Variants in SMG6 observed in about 807,000 individuals in gnomAD.
SMG6 encodes the protein telomerase-binding protein EST1A.
In SMG6, 66 loss-of-function variants were observed where a neutral mutation model predicts 142.2. That is an observed-to-expected ratio of 0.46 (90% CI 0.38 to 0.57). The LOEUF (loss-of-function observed/expected upper bound fraction) is 0.57, where lower values mean the gene tolerates loss of function less well. SMG6 is among the 20% of genes least tolerant of loss of function. The pLI is 0.00. For missense variants in SMG6, 1,793 were observed against 1,832.0 expected (o/e 0.98, Z 0.39); for synonymous variants, 779 against 702.4 (o/e 1.11, Z -1.72).
intron 10 of SMG6, among the ~76,000 whole-genome samples, chr17:2,227,480 G>T (rs1323841052): frequency 1.3e-5 from 2 of 152,186 alleles, no homozygotes; most frequent in Non-Finnish European, 2.9e-5. Context: ...GACACAAAGA[G>T]TGCACACTCT....
chr17:2,280,551 C>T, intron 8 of SMG6: 3 of 980,490 alleles, frequency 3.1e-6, no homozygotes, highest in African/African-American at 1.7e-5. Flanking sequence ...GCGTAAGCCA[C>T]CGCGTCAGGC....
chr17:2,193,807 T>A (rs2072236589), intron 10 of SMG6, among the ~76,000 whole-genome samples: 1 of 152,210 alleles, frequency 6.6e-6, no homozygotes, highest in Admixed American at 6.5e-5. Flanking sequence ...TCAGCTAGCA[T>A]GTAACAGAGA....
chr17:2,159,134 A>C (rs1236237533), intron 13 of SMG6, among the ~76,000 whole-genome samples: 2 of 152,140 alleles, frequency 1.3e-5, no homozygotes, highest in East Asian at 3.9e-4. Flanking sequence ...GACTATTAAA[A>C]CTATGGCCAG....
chr17:2,263,462 G>C (rs1443568057), intron 8 of SMG6, among the ~76,000 whole-genome samples: 2 of 152,198 alleles, frequency 1.3e-5, no homozygotes, highest in African/African-American at 2.4e-5. Flanking sequence ...ACAGTAGCAG[G>C]AGAGGTGCCT....
chr17:2,241,458 C>T (rs894799944), intron 9 of SMG6, among the ~76,000 whole-genome samples: 4 of 152,228 alleles, frequency 2.6e-5, no homozygotes, highest in Non-Finnish European at 5.9e-5. Flanking sequence ...AGGCACCCTA[C>T]AGCTGTCTCT....
chr17:2,230,221 AG>A (rs1430379163), intron 10 of SMG6, among the ~76,000 whole-genome samples: 6,379 of 33,884 alleles, frequency 0.19, 2,138 homozygotes, highest in East Asian at 0.23. Flanking sequence ...AAAAAAAAAA[AG>A]GAAAAGAAAG....
intron 13 of SMG6, among the ~76,000 whole-genome samples, chr17:2,103,771 A>G (rs1027341281): frequency 6.6e-6 from 1 of 152,170 alleles, no homozygotes; most frequent in African/African-American, 2.4e-5. Context: ...TGAGCCCTAT[A>G]GGAGACTGAG....
intron 8 of SMG6, among the ~76,000 whole-genome samples, chr17:2,269,987 C>T (rs1339918119): frequency 6.6e-6 from 1 of 152,024 alleles, no homozygotes; most frequent in Non-Finnish European, 1.5e-5. Context: ...TATGATGGCG[C>T]CCCTATGCTC....
At chr17:2,263,240 T>C (rs902994826) in intron 8 of SMG6, among the ~76,000 whole-genome samples, 3 of 152,186 alleles carry the variant, frequency 2.0e-5, no homozygotes, top group African/African-American at 4.8e-5. Context: ...AGAAACCCAT[T>C]TTCTACTAAG....
chr17:2,292,671 T>C, intron 5 of SMG6, 41 bp from the exon 6 acceptor site: 1 of 1,608,314 alleles, frequency 6.2e-7, no homozygotes, highest in South Asian at 1.1e-5. Flanking sequence ...AGTTCCAGAT[T>C]AGCTTTTTCC....
chr17:2,076,856 C>T (rs1326239581), intron 15 of SMG6, among the ~76,000 whole-genome samples: 1 of 152,210 alleles, frequency 6.6e-6, no homozygotes, highest in Non-Finnish European at 1.5e-5. Context: ...AGCTGGCCCG[C>T]AGCAGGCCTT....
At chr17:2,075,606 GT>G (rs1232842548) in intron 15 of SMG6, among the ~76,000 whole-genome samples, 1 of 152,224 alleles carries the variant, frequency 6.6e-6, no homozygotes, top group East Asian at 1.9e-4. Context: ...AGCATTTTCA[GT>G]GACTGCTTTG....
intron 13 of SMG6, among the ~76,000 whole-genome samples, chr17:2,130,075 T>A (rs908019734): frequency 6.6e-6 from 1 of 150,886 alleles, no homozygotes; most frequent in Non-Finnish European, 1.5e-5. Context: ...CTGGCTAACA[T>A]GGTGAAATCC....
In SMG6 at chr17:2,114,961, A is replaced by AAATAAAATAAAAT. The variant is rs1567609058; in HGVS notation, c.3358-29061_3358-29060insATTTTATTTTATT. ...TAAAATAAAATAAAATAAAAAAATG[A>AAATAAAATAAAAT]AATGAAATGAAATAAAATAAAATAA... On this transcript the variant is annotated intron_variant, in intron 13 of 18. Transcript: ENST00000263073. Among the ~76,000 whole-genome samples the AAATAAAATAAAAT allele has an allele frequency of 1.4e-3, 86 of 59,544 alleles. 1 individual carries two copies. In the South Asian group the frequency reaches 0.031, roughly 22 times the overall value. 39.1% of individuals were successfully genotyped at this position (59,544 alleles called of 152,430 possible).
intron 13 of SMG6, among the ~76,000 whole-genome samples, chr17:2,172,288 T>C (rs72817569): frequency 0.13 from 20,183 of 149,654 alleles, 1,511 homozygotes; most frequent in Non-Finnish European, 0.16. Flanking sequence ...GTTTTCCTAG[T>C]GCAGAGCTTT....
intron 13 of SMG6, among the ~76,000 whole-genome samples, chr17:2,125,571 A>G (rs1449794296): frequency 6.6e-6 from 1 of 152,258 alleles, no homozygotes; most frequent in Admixed American, 6.5e-5. Context: ...AGCTGACTAC[A>G]GTAACCAAAG....
At chr17:2,266,434 G>T (rs1170538486) in intron 8 of SMG6, among the ~76,000 whole-genome samples, 4 of 152,024 alleles carry the variant, frequency 2.6e-5, no homozygotes, top group Non-Finnish European at 5.9e-5. Flanking sequence ...GAATGGGAAG[G>T]TACACCATTT....
At chr17:2,287,439 C>T (rs918724428) in intron 6 of SMG6, among the ~76,000 whole-genome samples, 1 of 152,158 alleles carries the variant, frequency 6.6e-6, no homozygotes, top group Non-Finnish European at 1.5e-5. Context: ...GCCTTGCATG[C>T]TGTTGGTTGG....
intron 8 of SMG6, among the ~76,000 whole-genome samples, chr17:2,253,770 C>T (rs1035644344): frequency 4.6e-5 from 7 of 152,168 alleles, no homozygotes; most frequent in African/African-American, 1.7e-4. Context: ...AAGCACCATC[C>T]CATTCTATGA....
Sources: gnomAD v4.1 joint callset for allele counts (sites outside exome capture counted in the v4.1 genomes callset) on GRCh38, gnomAD v4.1.1 for gene constraint, MANE v1.5 for transcripts, NCBI Gene and HGNC (gene_info 2026-07-23, HGNC 2026-07-21) for gene names.